The following LTBP1 variants were observed in gnomAD, a reference collection of about 807,000 sequenced individuals.
LTBP1 encodes latent-transforming growth factor beta-binding protein 1.
LTBP1 carries 129 observed loss-of-function variants against 207.6 expected under a neutral mutation model. That is an observed-to-expected ratio of 0.62 (90% CI 0.54 to 0.72). LTBP1 has a LOEUF of 0.72. LTBP1 is among the 30% of genes least tolerant of loss of function. LTBP1 has a pLI of 0.00. For missense variants in LTBP1, 2,281 were observed against 2,217.2 expected (o/e 1.03, Z -0.58); for synonymous variants, 963 against 833.7 (o/e 1.16, Z -2.67).
intron 11 of LTBP1, among the ~76,000 whole-genome samples, chr2:33,255,737 C>G (rs2092831369): frequency 6.6e-6 from 1 of 152,092 alleles, no homozygotes; most frequent in African/African-American, 2.4e-5. Flanking sequence ...CTTAGAAAAA[C>G]AGTATTTTAG....
chr2:33,268,095 A>C (rs58447365), intron 15 of LTBP1, among the ~76,000 whole-genome samples: 34 of 152,364 alleles, frequency 2.2e-4, no homozygotes, highest in Admixed American at 1.0e-3. Flanking sequence ...GGGGAACAGT[A>C]TAGATAGTCT....
chr2:33,207,615 T>G (rs2089980979), intron 7 of LTBP1, among the ~76,000 whole-genome samples: 1 of 152,256 alleles, frequency 6.6e-6, no homozygotes, highest in African/African-American at 2.4e-5. Context: ...CATTTTCCTC[T>G]TCTTATGAGA....
chr2:33,136,750 G>A (rs1383787905), intron 5 of LTBP1, among the ~76,000 whole-genome samples: 3 of 152,166 alleles, frequency 2.0e-5, no homozygotes, highest in African/African-American at 4.8e-5. Context: ...GAGAAACAGA[G>A]GAAGTCTACT....
At chr2:33,104,904 C>T (rs1057154369) in intron 3 of LTBP1, among the ~76,000 whole-genome samples, 30 of 152,232 alleles carry the variant, frequency 2.0e-4, no homozygotes, top group African/African-American at 5.8e-4. Flanking sequence ...TTACTTTTCC[C>T]CTCGGCTTTG....
At chr2:32,947,896 C>A (rs1310658710) in intron 1 of LTBP1, 78 bp downstream of exon 1, 6 of 1,209,422 alleles carry the variant, frequency 5.0e-6, no homozygotes, top group Non-Finnish European at 6.3e-6. Flanking sequence ...GTCAGGGCCA[C>A]TCGGAGCCCC....
intron 31 of LTBP1, among the ~76,000 whole-genome samples, chr2:33,379,043 G>A (rs573832733): frequency 9.1e-4 from 139 of 152,148 alleles, no homozygotes; most frequent in African/African-American, 3.3e-3. Flanking sequence ...CATTGGGAGG[G>A]CTTCTGACAC....
At position 33,389,287 on chromosome 2, in the gene LTBP1, T is replaced by A. The variant is rs149372970; in HGVS notation, c.4815T>A (p.Asp1605Glu). The A allele has an allele frequency of 3.2e-5, 51 of 1,614,170 alleles. No homozygotes were observed. The African/African-American group carries it at 6.7e-4, about 21-fold the overall frequency. ...GTGAACAGTATACTCCAGAAGCCGA[T>A]CCCTACTTCATCCAAGACCGTAAGC... ...DFSEQYTPEA[D>E]PYFIQDRFLN... The change falls in exon 32 of 34, where the codon GAT becomes GAA. Residue 1605 changes from aspartate (D) to glutamate (E), a missense_variant. By Grantham distance (45) the Asp-to-Glu change is conservative. Transcript: ENST00000404816.
chr2:33,355,293 G>T (rs2094844070), intron 26 of LTBP1, among the ~76,000 whole-genome samples: 1 of 151,834 alleles, frequency 6.6e-6, no homozygotes, highest in Non-Finnish European at 1.5e-5. Context: ...CTATCCCTTG[G>T]TATTTAAGGG....
At chr2:33,254,851 G>GGTT (rs2092793374) in intron 11 of LTBP1, among the ~76,000 whole-genome samples, 3 of 7,062 alleles carry the variant, frequency 4.2e-4, no homozygotes, top group African/African-American at 8.8e-4. Context: ...TGCGGTGTTT[G>GGTT]GTTTTTTTTT....
intron 5 of LTBP1, among the ~76,000 whole-genome samples, chr2:33,158,186 A>T (rs1452743440): frequency 6.6e-6 from 1 of 151,034 alleles, no homozygotes; most frequent in South Asian, 2.1e-4. Flanking sequence ...GAGAATATAT[A>T]TGCATAAAAC....
At position 33,359,718 on chromosome 2, in the gene LTBP1, C is replaced by T. The variant is rs538889528; in HGVS notation, c.4001-879C>T. ...GGATCATAGGCAGTAATTTGAACTC[C>T]ATAGTATACAGGAGAGAAGGGATGT... On this transcript the variant is annotated intron_variant, in intron 26 of 33. Transcript: ENST00000404816. Among the ~76,000 whole-genome samples the T allele has an allele frequency of 1.1e-3, 167 of 152,256 alleles. 1 individual carries two copies. The Middle Eastern group carries it at 0.027, about 25-fold the overall frequency.
At chr2:33,294,277 A>G (rs930198651) in intron 20 of LTBP1, among the ~76,000 whole-genome samples, 3 of 151,572 alleles carry the variant, frequency 2.0e-5, no homozygotes, top group African/African-American at 7.3e-5. Flanking sequence ...ACTCACTGCA[A>G]CCCCTGCCTC....
chr2:33,136,756 C>T (rs1471027254), intron 5 of LTBP1, among the ~76,000 whole-genome samples: 1 of 152,162 alleles, frequency 6.6e-6, no homozygotes, highest in Admixed American at 6.5e-5. Flanking sequence ...CAGAGGAAGT[C>T]TACTTGTTGA....
intron 3 of LTBP1, among the ~76,000 whole-genome samples, chr2:33,109,423 C>T (rs150120206): frequency 3.4e-4 from 52 of 152,330 alleles, no homozygotes; most frequent in African/African-American, 1.3e-3. Context: ...CTAACAATTT[C>T]AGTAGCAATT....
chr2:33,182,670 AAAGAAG>A lies in LTBP1; in HGVS notation c.1202-4183_1202-4178del, dbSNP rs533071382. Among the ~76,000 whole-genome samples, 249 of 98,724 alleles carry A rather than the reference AAAGAAG, an allele frequency of 2.5e-3. 5 individuals are homozygous for A. Among genetic ancestry groups the A allele is most frequent in the African/African-American group, 9.3e-3 (234 of 25,246 alleles). 64.8% of individuals were successfully genotyped at this position (98,724 alleles called of 152,430 possible). A position where few individuals can be genotyped will look rare whatever the true frequency, so the allele number is the denominator to read the frequency against. ...GAGTGAGACCCTGTCTCAAAAAAAAAAAGAAGAAAAGATGGTGATATATATATATAC... is the reference window on the plus strand; with the variant it reads ...GAGTGAGACCCTGTCTCAAAAAAAAAAAAAGATGGTGATATATATATATAC... On this transcript the variant is annotated intron_variant, in intron 5 of 33. Transcript: ENST00000404816.
intron 2 of LTBP1, among the ~76,000 whole-genome samples, chr2:33,000,110 G>A (rs1416465984): frequency 1.5e-5 from 2 of 134,660 alleles, no homozygotes; most frequent in Non-Finnish European, 3.3e-5. Flanking sequence ...CTAGGGTCCT[G>A]CTCTGAGACA....
At chr2:33,149,894 T>G (rs2083372801) in intron 5 of LTBP1, among the ~76,000 whole-genome samples, 1 of 152,184 alleles carries the variant, frequency 6.6e-6, no homozygotes, top group Non-Finnish European at 1.5e-5. Flanking sequence ...ATCATCACAC[T>G]TTCAAATAAA....
intron 3 of LTBP1, among the ~76,000 whole-genome samples, chr2:33,053,705 C>G (rs2076855836): frequency 6.6e-6 from 1 of 152,138 alleles, no homozygotes; most frequent in African/African-American, 2.4e-5. Flanking sequence ...TTATTCATTC[C>G]TTGCTGAGGG....
chr2:32,966,147 G>A (rs1454321463), intron 2 of LTBP1, among the ~76,000 whole-genome samples: 1 of 152,072 alleles, frequency 6.6e-6, no homozygotes, highest in Non-Finnish European at 1.5e-5. Context: ...TAAGGTATTT[G>A]TTCAGGTCTT....
Sources: gnomAD v4.1 joint callset for allele counts (sites outside exome capture counted in the v4.1 genomes callset) on GRCh38, gnomAD v4.1.1 for gene constraint, MANE v1.5 for transcripts, NCBI Gene and HGNC (gene_info 2026-07-23, HGNC 2026-07-21) for gene names.